The following ATP6V0A4 variants were observed in gnomAD, a reference collection of about 807,000 sequenced individuals.
ATP6V0A4 encodes V-type proton ATPase 116 kDa subunit a 4.
A neutral mutation model predicts 107.3 loss-of-function variants in ATP6V0A4; 86 were observed. The ratio of observed to expected loss-of-function variants is 0.80; its 90% CI spans 0.67 to 0.96. The LOEUF (loss-of-function observed/expected upper bound fraction) is 0.96. Ranked by LOEUF, ATP6V0A4 falls within the 40% of genes least tolerant of loss-of-function variation. The probability of loss-of-function intolerance (pLI) is 0.00; values close to 1 mark genes in which losing one functional copy is unlikely to be tolerated. For synonymous variants in ATP6V0A4, 353 were observed against 381.4 expected, an observed-to-expected ratio of 0.93 and a Z score of 0.87; for missense variants, 908 against 1,045.6, an observed-to-expected ratio of 0.87 and a Z score of 1.81.
chr7:138,747,513 T>A lies in ATP6V0A4; in HGVS notation c.1232A>T (p.Asp411Val). ...FPFLFAVMFG[D>V]CGHGTVMLLA... ...GAGCATCACGGTTCCATGACCACAG[T>A]CTCCAAACATCACAGCGAACAGGAA... The change falls in exon 13 of 22, where the codon GAC becomes GTC. Residue 411 changes from aspartate to valine, a missense_variant. Asp to Val is a radical substitution (Grantham distance 152). Coordinates refer to ENST00000310018, the MANE Select transcript of ATP6V0A4 (RefSeq NM_020632.3). 1 of 1,613,896 alleles carries A rather than the reference T, an allele frequency of 6.2e-7. No individual in the cohort carries two copies. Among genetic ancestry groups the A allele is most frequent in the Non-Finnish European group, 8.5e-7 (1 of 1,179,994 alleles).
chr7:138,710,934 C>T lies in ATP6V0A4; in HGVS notation c.2258-1139G>A, dbSNP rs549910488. Among the ~76,000 whole-genome samples the T allele has an allele frequency of 1.1e-4, 17 of 152,302 alleles. 1 individual carries two copies. In the South Asian group the frequency reaches 3.5e-3, roughly 32 times the overall value. ...TCAGAGGAATTCGAAGCAGTTTACA[C>T]ATATTATCCCAGTAAGGCCCATATC... On this transcript the variant is annotated intron_variant, in intron 20 of 21. Coordinates refer to ENST00000310018, the MANE Select transcript of ATP6V0A4 (RefSeq NM_020632.3).
chr7:138,749,019 T>A (rs1462808202), intron 12 of ATP6V0A4, 148 bp downstream of exon 12: 6 of 1,067,320 alleles, frequency 5.6e-6, no homozygotes, highest in East Asian at 2.4e-5. Context: ...GCCCCTACTA[T>A]CCTACTTATT....
chr7:138,707,196 T>C (rs986567941), intron 21 of ATP6V0A4, among the ~76,000 whole-genome samples: 2 of 59,668 alleles, frequency 3.4e-5, no homozygotes, highest in African/African-American at 8.6e-5. Flanking sequence ...ATTATATATA[T>C]TATATAATAT....
chr7:138,735,604 G>A (rs1008070164), intron 15 of ATP6V0A4, among the ~76,000 whole-genome samples: 3 of 152,140 alleles, frequency 2.0e-5, no homozygotes, highest in African/African-American at 7.2e-5. Flanking sequence ...GCTGGGAAGC[G>A]GGGAGAAGGG....
In ATP6V0A4 at chr7:138,762,145, C is replaced by A. The variant is rs116758651; in HGVS notation, c.512+195G>T. ...TCAGGCTCAAGGAGGTCAGCATCGC[C>A]ACTAACAAGAAGCTGACACCACTTC... is the stretch of plus-strand genomic sequence containing the variant. On this transcript the variant is annotated intron_variant, in intron 7 of 21. Transcript: ENST00000310018. Among the ~76,000 whole-genome samples the A allele has an allele frequency of 2.9e-3, 437 of 152,254 alleles. 1 individual carries two copies. Among genetic ancestry groups the A allele is most frequent in the African/African-American group, 9.9e-3 (410 of 41,552 alleles).
chr7:138,762,254 T>C (rs1466854076), intron 7 of ATP6V0A4, 86 bp downstream of exon 7: 2 of 1,504,324 alleles, frequency 1.3e-6, no homozygotes, highest in Non-Finnish European at 1.8e-6. Flanking sequence ...CCCATTCCAA[T>C]GGCTATTTGT....
intron 6 of ATP6V0A4, 109 bp from the exon 7 acceptor site, chr7:138,762,543 A>G: frequency 6.5e-7 from 1 of 1,538,348 alleles, no homozygotes; most frequent in Non-Finnish European, 8.7e-7. Flanking sequence ...ATTTTCCACA[A>G]AAAGTTAACA....
intron 12 of ATP6V0A4, among the ~76,000 whole-genome samples, chr7:138,748,750 A>T (rs1243998007): frequency 6.6e-6 from 1 of 152,136 alleles, no homozygotes; most frequent in Non-Finnish European, 1.5e-5. Flanking sequence ...TCCACAGCTT[A>T]GGACACCAAG....
chr7:138,726,199 C>T (rs1562985692), intron 18 of ATP6V0A4, among the ~76,000 whole-genome samples: 2 of 152,194 alleles, frequency 1.3e-5, no homozygotes, highest in African/African-American at 2.4e-5. Context: ...CCGTGTTAGC[C>T]AGGATGGTCT....
intron 20 of ATP6V0A4, among the ~76,000 whole-genome samples, chr7:138,713,549 T>C (rs566325545): frequency 6.6e-6 from 1 of 152,260 alleles, no homozygotes; most frequent in Admixed American, 6.5e-5. Context: ...TCAGGTTCTT[T>C]GCTTTCAAGG....
At chr7:138,769,502 A>G (rs1471531098) in intron 3 of ATP6V0A4, among the ~76,000 whole-genome samples, 5 of 151,986 alleles carry the variant, frequency 3.3e-5, no homozygotes, top group African/African-American at 4.8e-5. Flanking sequence ...TGTAGTAGAG[A>G]TGGGGTTTCA....
intron 15 of ATP6V0A4, among the ~76,000 whole-genome samples, chr7:138,737,634 T>C (rs1170839446): frequency 6.7e-6 from 1 of 148,740 alleles, no homozygotes; most frequent in Non-Finnish European, 1.5e-5. Context: ...CAAGCTGGAG[T>C]GCAGTGGTGT....
intron 17 of ATP6V0A4, among the ~76,000 whole-genome samples, chr7:138,730,636 G>C (rs1456022193): frequency 3.9e-5 from 6 of 152,106 alleles, no homozygotes; most frequent in Non-Finnish European, 7.4e-5. Context: ...GACTAAGTGA[G>C]GACTTCAGTC....
intron 17 of ATP6V0A4, 88 bp downstream of exon 17, chr7:138,732,787 CTT>C (rs1805085816): frequency 1.5e-6 from 2 of 1,343,606 alleles, no homozygotes; most frequent in African/African-American, 1.6e-5. Context: ...GAGCAAGACT[CTT>C]TCTCAAAAAA....
intron 5 of ATP6V0A4, among the ~76,000 whole-genome samples, chr7:138,763,987 T>C (rs1238502135): frequency 6.8e-6 from 1 of 147,832 alleles, no homozygotes; most frequent in East Asian, 2.0e-4. Flanking sequence ...TATATATATA[T>C]ATATATGTAT....
At chr7:138,733,195 T>C (rs1465069476) in intron 16 of ATP6V0A4, 102 bp from the exon 17 acceptor site, 1 of 1,543,280 alleles carries the variant, frequency 6.5e-7, no homozygotes, top group Non-Finnish European at 8.7e-7. Context: ...TTCTATCTTT[T>C]TTTTTTTTGC....
chr7:138,772,842 A>T (rs1220874322), intron 2 of ATP6V0A4, among the ~76,000 whole-genome samples: 1 of 152,126 alleles, frequency 6.6e-6, no homozygotes, highest in Non-Finnish European at 1.5e-5. Flanking sequence ...CATCCAAGTC[A>T]TGCTGCCCAT....
chr7:138,720,357 C>T (rs1804369172), intron 19 of ATP6V0A4, among the ~76,000 whole-genome samples: 1 of 152,104 alleles, frequency 6.6e-6, no homozygotes, highest in African/African-American at 2.4e-5. Context: ...TGAATGGTGA[C>T]TAAAGTTGCC....
chr7:138,733,184 G>A (rs1279637258), intron 16 of ATP6V0A4, 91 bp from the exon 17 acceptor site: 39 of 1,553,144 alleles, frequency 2.5e-5, no homozygotes, highest in Non-Finnish European at 3.3e-5. Context: ...AGCACAAAAT[G>A]TTCTATCTTT....
Sources: allele counts gnomAD v4.1 joint callset (sites outside exome capture counted in the v4.1 genomes callset), GRCh38; gene constraint gnomAD v4.1.1; transcripts MANE v1.5; gene names NCBI Gene and HGNC (gene_info 2026-07-23, HGNC 2026-07-21).